The following PLXNA4 variants were observed in gnomAD, a reference collection of about 807,000 sequenced individuals.
The protein encoded by PLXNA4 is plexin-A4.
Under a neutral mutation model 191.8 loss-of-function variants are expected in PLXNA4, and 44 were observed. The observed-to-expected ratio is 0.23, with a 90% confidence interval of 0.18 to 0.29. The LOEUF (loss-of-function observed/expected upper bound fraction) is 0.29. PLXNA4 is among the 10% of genes least tolerant of loss of function. The pLI is 1.00. For synonymous variants in PLXNA4, 1,082 were observed against 1,009.5 expected (o/e 1.07, Z -1.36); for missense variants, 1,800 against 2,488.8 (o/e 0.72, Z 5.89).
At chr7:132,561,986 CTCT>C (rs1399247928) in intron 1 of PLXNA4, among the ~76,000 whole-genome samples, 2 of 142,154 alleles carry the variant, frequency 1.4e-5, no homozygotes, top group East Asian at 2.3e-4. Flanking sequence ...CCTTATCCTC[CTCT>C]TCTTTCTCTG....
rs186072938 is a variant in PLXNA4 at position 132,383,913 on chromosome 7, C to T, written c.1372-85691G>A. ...ACAGAGCCAGTTTCACATGGAACTC[C>T]TGGGACGTATTTCTGAACAACTGTT... On this transcript the variant is annotated intron_variant, in intron 3 of 31. Coordinates refer to ENST00000321063, the MANE Select transcript of PLXNA4 (RefSeq NM_020911.2). 1.1e-4 allele frequency: 104 copies of T among 985,426 alleles called. 1 individual carries two copies. The African/African-American group carries it at 1.7e-3, about 16-fold the overall frequency. The allele number at this position is 985,426 out of a possible 1,614,324, so 61.0% of individuals were successfully genotyped here. A position where few individuals can be genotyped will look rare whatever the true frequency, so the allele number is the denominator to read the frequency against.
intron 10 of PLXNA4, among the ~76,000 whole-genome samples, chr7:132,208,157 A>C (rs766765651): frequency 6.6e-6 from 1 of 152,230 alleles, no homozygotes; most frequent in Non-Finnish European, 1.5e-5. Flanking sequence ...CCTGACCCAG[A>C]CCAGCATTTA....
intron 30 of PLXNA4, among the ~76,000 whole-genome samples, chr7:132,133,521 G>A (rs547534271): frequency 6.6e-6 from 1 of 152,276 alleles, no homozygotes; most frequent in African/African-American, 2.4e-5. Context: ...CACACAGAGA[G>A]GTCTAGACTG....
At chr7:132,471,531 C>T (rs934385465) in intron 3 of PLXNA4, among the ~76,000 whole-genome samples, 3 of 152,148 alleles carry the variant, frequency 2.0e-5, no homozygotes, top group Admixed American at 6.5e-5. Flanking sequence ...TTACTCCCAG[C>T]GATCACCTTG....
intron 5 of PLXNA4, among the ~76,000 whole-genome samples, chr7:132,238,142 C>G (rs1418618978): frequency 1.3e-5 from 2 of 152,080 alleles, no homozygotes; most frequent in Non-Finnish European, 2.9e-5. Context: ...GTTGGATAAG[C>G]CTTGTTCAGG....
intron 1 of PLXNA4, among the ~76,000 whole-genome samples, chr7:132,569,564 C>T (rs930732193): frequency 3.9e-5 from 6 of 152,194 alleles, no homozygotes; most frequent in Admixed American, 1.3e-4. Context: ...GTTTAATCAC[C>T]GATCTAGACT....
chr7:132,469,781 A>T (rs560731829), intron 3 of PLXNA4, among the ~76,000 whole-genome samples: 1 of 152,254 alleles, frequency 6.6e-6, no homozygotes, highest in Non-Finnish European at 1.5e-5. Flanking sequence ...GCCTAAAATC[A>T]CATCTTGCTC....
At chr7:132,432,917 C>T (rs1190852936) in intron 3 of PLXNA4, among the ~76,000 whole-genome samples, 1 of 152,154 alleles carries the variant, frequency 6.6e-6, no homozygotes, top group Non-Finnish European at 1.5e-5. Context: ...TCTCTGCAAA[C>T]AAGTACAGTA....
chr7:132,528,533 G>A (rs1799500715), intron 1 of PLXNA4, among the ~76,000 whole-genome samples: 1 of 152,228 alleles, frequency 6.6e-6, no homozygotes, highest in Non-Finnish European at 1.5e-5. Context: ...TGCCAGTGAT[G>A]AGTTTAGGAA....
intron 2 of PLXNA4, among the ~76,000 whole-genome samples, chr7:132,635,898 A>T (rs1803595189): frequency 6.6e-6 from 1 of 152,226 alleles, no homozygotes; most frequent in Non-Finnish European, 1.5e-5. Context: ...TGAAATAGGT[A>T]AATGAATGGC....
chr7:132,297,776 C>T (rs1801144864), intron 4 of PLXNA4, among the ~76,000 whole-genome samples: 1 of 152,134 alleles, frequency 6.6e-6, no homozygotes, highest in Admixed American at 6.5e-5. Context: ...AATCTGGACC[C>T]ACAATTTGGG....
chr7:132,359,139 C>T (rs1205547052), intron 3 of PLXNA4, among the ~76,000 whole-genome samples: 2 of 151,578 alleles, frequency 1.3e-5, no homozygotes, highest in African/African-American at 4.9e-5. Flanking sequence ...ACCTGGAAGG[C>T]ACCTGAGAGT....
intron 25 of PLXNA4, among the ~76,000 whole-genome samples, chr7:132,151,497 GA>G (rs1562885321): frequency 1.5e-4 from 7 of 47,370 alleles, no homozygotes; most frequent in African/African-American, 1.0e-3. Context: ...GAAGAAGAAG[GA>G]GGAGGAGGAG....
chr7:132,533,079 T>A (rs747183356), intron 1 of PLXNA4, among the ~76,000 whole-genome samples: 1 of 152,242 alleles, frequency 6.6e-6, no homozygotes, highest in African/African-American at 2.4e-5. Flanking sequence ...ATTTCCAGAA[T>A]AATAGAACCT....
In PLXNA4 at chr7:132,128,095, C is replaced by T. The variant is rs1005181500; in HGVS notation, c.*2384G>A. ...TTAAATACGTTTGTGTCTCTTTCCT[C>T]CCCAACCCTTTATATGTGCAAAAAT... On this transcript the variant is annotated 3_prime_UTR_variant, in exon 32 of 32. Coordinates refer to ENST00000321063, the MANE Select transcript of PLXNA4 (RefSeq NM_020911.2). 2 of 151,948 alleles carry T rather than the reference C, an allele frequency of 1.3e-5. No individual in the cohort carries two copies. The highest frequency in any genetic ancestry group is 6.5e-5 in the Admixed American group (1 of 15,268). The allele number at this position is 151,948 out of a possible 1,614,324, so 9.4% of individuals were successfully genotyped here.
chr7:132,440,047 T>C (rs929493296), intron 3 of PLXNA4, among the ~76,000 whole-genome samples: 45 of 152,076 alleles, frequency 3.0e-4, no homozygotes, highest in Non-Finnish European at 5.1e-4. Context: ...GCTTGTGCCA[T>C]GCTGCCATAA....
intron 4 of PLXNA4, among the ~76,000 whole-genome samples, chr7:132,291,310 C>T (rs1479207797): frequency 1.3e-5 from 2 of 152,234 alleles, no homozygotes; most frequent in Non-Finnish European, 2.9e-5. Flanking sequence ...TAAAAGAGCA[C>T]TCCCCTCCAC....
intron 3 of PLXNA4, among the ~76,000 whole-genome samples, chr7:132,405,888 G>C (rs753602812): frequency 6.2e-4 from 94 of 152,270 alleles, no homozygotes; most frequent in Non-Finnish European, 1.2e-3. Flanking sequence ...CTTGCTACCT[G>C]TAATGCACTC....
intron 2 of PLXNA4, among the ~76,000 whole-genome samples, chr7:132,588,748 G>GAGAGAAAGAGAGAAAAAGAAAGAA (rs1332389856): frequency 1.1e-4 from 16 of 145,868 alleles, no homozygotes; most frequent in South Asian, 6.6e-4. Context: ...AAGAAAGAAA[G>GAGAGAAAGAGAGAAAAAGAAAGAA]AGAGAAAGAG....
Sources: gnomAD v4.1 joint callset for allele counts (sites outside exome capture counted in the v4.1 genomes callset) on GRCh38, gnomAD v4.1.1 for gene constraint, MANE v1.5 for transcripts, NCBI Gene and HGNC (gene_info 2026-07-23, HGNC 2026-07-21) for gene names.